The following GPAT4 variants were observed in gnomAD, a reference collection of about 807,000 sequenced individuals.
GPAT4 encodes the protein glycerol-3-phosphate acyltransferase 4, also known as 1-AGP acyltransferase 6.
Under a neutral mutation model 58.0 loss-of-function variants are expected in GPAT4, and 17 were observed. The ratio of observed to expected loss-of-function variants is 0.29; its 90% CI spans 0.20 to 0.44. The LOEUF is 0.44. Among genes scored for constraint, GPAT4 ranks in the 20% least tolerant of loss-of-function variants. The pLI is 1.00. For missense variants in GPAT4, 377 were observed against 574.5 expected, an observed-to-expected ratio of 0.66 and a Z score of 3.51; for synonymous variants, 204 against 210.1, an observed-to-expected ratio of 0.97 and a Z score of 0.25.
chr8:41,608,367 G>A (rs1347118067), intron 2 of GPAT4, among the ~76,000 whole-genome samples: 2 of 152,242 alleles, frequency 1.3e-5, no homozygotes, highest in East Asian at 3.8e-4. Context: ...GTGCATAACC[G>A]TGGAAGCCGA....
chr8:41,579,289 C>T (rs542444652), intron 1 of GPAT4, among the ~76,000 whole-genome samples: 1 of 152,338 alleles, frequency 6.6e-6, no homozygotes, highest in East Asian at 1.9e-4. Flanking sequence ...CTGGCCTCCT[C>T]AGCCACTTAA....
In GPAT4 at chr8:41,619,823, T is replaced by C. The variant is rs1026894544; in HGVS notation, c.1262+846T>C. On this transcript the variant is annotated intron_variant, in intron 12 of 12. Coordinates refer to ENST00000396987, the MANE Select transcript of GPAT4 (RefSeq NM_178819.4). ...GTAGAGTCTCAGGGAATAGATTGGC[T>C]CTCAGATGATGGCCTTTTAAAAAAT... is the stretch of plus-strand genomic sequence containing the variant. 1.4e-4 allele frequency among the ~76,000 whole-genome samples: 21 copies of C among 152,318 alleles called. No homozygotes were observed. In the South Asian group the frequency reaches 4.1e-3, roughly 30 times the overall value.
At chr8:41,608,294 G>A (rs541761838) in intron 2 of GPAT4, among the ~76,000 whole-genome samples, 132 of 152,366 alleles carry the variant, frequency 8.7e-4, no homozygotes, top group Admixed American at 2.5e-3. Flanking sequence ...AGCAGAACCC[G>A]CACCATGTGC....
chr8:41,600,031 C>CT (rs1563273268), intron 2 of GPAT4, among the ~76,000 whole-genome samples: 1 of 75,434 alleles, frequency 1.3e-5, no homozygotes, highest in African/African-American at 5.6e-5. Context: ...TTATCTTTTT[C>CT]TTTTCTTTTT....
chr8:41,582,311 A>C (rs1166770990), intron 1 of GPAT4, among the ~76,000 whole-genome samples: 1 of 152,066 alleles, frequency 6.6e-6, no homozygotes, highest in Non-Finnish European at 1.5e-5. Context: ...GCCGAAGCTG[A>C]ATGATGTATT....
At chr8:41,614,339 T>C (rs1803533452) in intron 8 of GPAT4, 47 bp from the exon 9 acceptor site, 3 of 1,481,804 alleles carry the variant, frequency 2.0e-6, no homozygotes, top group South Asian at 2.4e-5. Flanking sequence ...ATTTTGACGA[T>C]GTGTATAAGG....
chr8:41,609,778 G>A lies in GPAT4; in HGVS notation c.359G>A (p.Arg120Gln), dbSNP rs779520353. The part of the protein sequence containing the change: ...FELSDIFYFC[R>Q]KGMETIMDDE... ...CTCTCTGACATTTTCTACTTTTGCC[G>A]GAAAGGAATGGAGACCATTATGGAT... The change falls in exon 4 of 13, where the codon CGG becomes CAG. Residue 120 changes from arginine to glutamine, a missense_variant. Arg to Gln is a conservative substitution (Grantham distance 43). Transcript: ENST00000396987. 3.1e-6 allele frequency: 5 copies of A among 1,614,002 alleles called. No homozygotes were observed. The highest frequency in any genetic ancestry group is 2.7e-5 in the African/African-American group (2 of 74,918).
intron 8 of GPAT4, among the ~76,000 whole-genome samples, chr8:41,613,778 T>C (rs1434012035): frequency 2.0e-5 from 3 of 151,920 alleles, no homozygotes; most frequent in East Asian, 3.9e-4. Flanking sequence ...TAGCTGAGCG[T>C]GGTGGTACGC....
In GPAT4 at chr8:41,621,850, T is replaced by C. The variant is rs1803761651; in HGVS notation, c.*849T>C. 6.6e-6 allele frequency: 1 copy of C among 152,300 alleles called. No individual in the cohort carries two copies. Among genetic ancestry groups the C allele is most frequent in the Non-Finnish European group, 1.5e-5 (1 of 68,104 alleles). The allele number at this position is 152,300 out of a possible 1,614,324, so 9.4% of individuals were successfully genotyped here. A position where few individuals can be genotyped will look rare whatever the true frequency, so the allele number is the denominator to read the frequency against. ...AAAACGGGGCACGGCAGGCCTGAGC[T>C]CAGAGCTGCTGCACTGGGCTTTGGA... On this transcript the variant is annotated 3_prime_UTR_variant, in exon 13 of 13. Coordinates refer to ENST00000396987, the MANE Select transcript of GPAT4 (RefSeq NM_178819.4).
chr8:41,597,600 C>T (rs1462207400), intron 1 of GPAT4, among the ~76,000 whole-genome samples: 1 of 151,958 alleles, frequency 6.6e-6, no homozygotes, highest in Non-Finnish European at 1.5e-5. Flanking sequence ...ATTTTGTGTA[C>T]TAAGTCATGC....
At chr8:41,610,838 G>A in intron 5 of GPAT4, 28 bp downstream of exon 5, 3 of 1,576,566 alleles carry the variant, frequency 1.9e-6, no homozygotes, top group Middle Eastern at 1.7e-4. Flanking sequence ...GTCCATGCCT[G>A]AAGGACAGTT....
intron 1 of GPAT4, among the ~76,000 whole-genome samples, chr8:41,584,133 G>A (rs1424952013): frequency 6.6e-6 from 1 of 152,192 alleles, no homozygotes; most frequent in Non-Finnish European, 1.5e-5. Flanking sequence ...CTGTCCTCAA[G>A]TGATCCGCCC....
At chr8:41,618,444 C>T in intron 10 of GPAT4, 2 of 559,778 alleles carry the variant, frequency 3.6e-6, no homozygotes, top group East Asian at 6.0e-5. Context: ...TTGAGGCAGG[C>T]TGTCAGGGGA....
At chr8:41,616,511 T>C (rs1453602502) in intron 10 of GPAT4, among the ~76,000 whole-genome samples, 1 of 152,164 alleles carries the variant, frequency 6.6e-6, no homozygotes, top group Non-Finnish European at 1.5e-5. Context: ...CTCAGACTGA[T>C]CTAGAACTCC....
intron 2 of GPAT4, among the ~76,000 whole-genome samples, chr8:41,600,729 A>C (rs147237417): frequency 1.4e-4 from 21 of 152,272 alleles, no homozygotes; most frequent in African/African-American, 5.1e-4. Flanking sequence ...GTCCAAAGGA[A>C]ACCCCACACT....
At chr8:41,585,532 T>G (rs1802629188) in intron 1 of GPAT4, among the ~76,000 whole-genome samples, 1 of 152,114 alleles carries the variant, frequency 6.6e-6, no homozygotes, top group Non-Finnish European at 1.5e-5. Flanking sequence ...ATGGTGATGA[T>G]TAGTAGTAGA....
intron 12 of GPAT4, among the ~76,000 whole-genome samples, chr8:41,619,530 T>C (rs566162459): frequency 7.3e-4 from 111 of 152,372 alleles, no homozygotes; most frequent in African/African-American, 2.6e-3. Flanking sequence ...AGCATGGCTG[T>C]GTTCCAATAA....
At chr8:41,619,314 C>T (rs1469369146) in intron 12 of GPAT4, 1 of 333,576 alleles carries the variant, frequency 3.0e-6, no homozygotes, top group African/African-American at 2.1e-5. Flanking sequence ...TTTCCCAGGT[C>T]CCAGTGTATC....
chr8:41,598,832 A>G lies in GPAT4; in HGVS notation c.-308A>G, dbSNP rs1207394383. 3.0e-6 allele frequency: 1 copy of G among 334,008 alleles called. No individual in the cohort carries two copies. The highest frequency in any genetic ancestry group is 6.5e-5 in the East Asian group (1 of 15,422). The allele number at this position is 334,008 out of a possible 1,614,324, so 20.7% of individuals were successfully genotyped here. A position where few individuals can be genotyped will look rare whatever the true frequency, so the allele number is the denominator to read the frequency against. Reference sequence around the variant, plus strand: ...AGCAGAGCCCCCGTCCTCACTGCTCACTTGCACAGAAACTCCATCTGGACT... The same window carrying G: ...AGCAGAGCCCCCGTCCTCACTGCTCGCTTGCACAGAAACTCCATCTGGACT... On this transcript the variant is annotated 5_prime_UTR_variant, in exon 2 of 13. Coordinates refer to ENST00000396987, the MANE Select transcript of GPAT4 (RefSeq NM_178819.4).
Sources: allele counts gnomAD v4.1 joint callset (sites outside exome capture counted in the v4.1 genomes callset), GRCh38; gene constraint gnomAD v4.1.1; transcripts MANE v1.5; gene names NCBI Gene and HGNC (gene_info 2026-07-23, HGNC 2026-07-21).